DPH6: variants seen among roughly 807,000 people sequenced by gnomAD.
The protein encoded by DPH6 is diphthamine biosynthesis 6, also known as diphthine--ammonia ligase.
DPH6 carries 33 observed loss-of-function variants against 38.2 expected under a neutral mutation model. The ratio of observed to expected loss-of-function variants is 0.86; its 90% CI spans 0.65 to 1.15. The LOEUF is 1.15. Ranked by LOEUF, DPH6 falls within the 50% of genes most tolerant of loss-of-function variation. DPH6 has a pLI of 0.00. For missense variants in DPH6, 325 were observed against 320.0 expected (o/e 1.02, Z -0.12); for synonymous variants, 108 against 103.0 (o/e 1.05, Z -0.30).
intron 3 of DPH6, among the ~76,000 whole-genome samples, chr15:35,332,575 G>A (rs1370109086): frequency 1.3e-5 from 2 of 152,060 alleles, no homozygotes; most frequent in African/African-American, 2.4e-5. Context: ...AATAGCTCAG[G>A]CCTTGGGGTC....
At position 35,324,313 on chromosome 15, in the gene DPH6, A is replaced by C. The variant is rs541138721; in HGVS notation, n.200+49208T>G. Among the ~76,000 whole-genome samples, 221 of 152,328 alleles carry C rather than the reference A, an allele frequency of 1.5e-3. 1 individual carries two copies. Among genetic ancestry groups the C allele is most frequent in the African/African-American group, 5.2e-3 (215 of 41,582 alleles). On this transcript the variant is annotated intron_variant and non_coding_transcript_variant, in intron 3 of 3. Transcript: ENST00000560386. ...TGCATAAAGTTATAAGGCATCTTTCAAAAGAATTACAAATAGAAATTGCTA... is the reference window on the plus strand; with the variant it reads ...TGCATAAAGTTATAAGGCATCTTTCCAAAGAATTACAAATAGAAATTGCTA...
At chr15:35,389,002 C>A (rs1446963064) in intron 6 of DPH6, among the ~76,000 whole-genome samples, 2 of 152,162 alleles carry the variant, frequency 1.3e-5, no homozygotes, top group Non-Finnish European at 2.9e-5. Context: ...TCCCTCTACA[C>A]ACTGCTTTGA....
chr15:35,376,199 C>T (rs1253979227), intron 7 of DPH6, among the ~76,000 whole-genome samples: 1 of 152,110 alleles, frequency 6.6e-6, no homozygotes, highest in South Asian at 2.1e-4. Flanking sequence ...TGTCCCTGTT[C>T]TACCCCACCC....
the DPH6 span, among the ~76,000 whole-genome samples, chr15:35,151,420 A>T: frequency 6.6e-6 from 1 of 152,188 alleles, no homozygotes; most frequent in African/African-American, 2.4e-5. Flanking sequence ...AGTAGCAGGC[A>T]TCTGGATTTG....
intron 3 of DPH6, among the ~76,000 whole-genome samples, chr15:35,502,179 C>T (rs1369811209): frequency 2.0e-5 from 3 of 151,934 alleles, no homozygotes; most frequent in Admixed American, 6.6e-5. Flanking sequence ...ATTATTACAT[C>T]GGCACCCAGA....
Position 35,242,958 on chromosome 15 carries a change from T to G in DPH6, n.201-22376A>C, listed in dbSNP as rs1390351329. 1.4e-5 allele frequency among the ~76,000 whole-genome samples: 2 copies of G among 142,308 alleles called. 1 individual carries two copies. The highest frequency in any genetic ancestry group is 3.1e-5 in the Non-Finnish European group (2 of 65,264). The allele number at this position is 142,308 out of a possible 152,430, so 93.4% of individuals were successfully genotyped here. ...TTTCCAAGCCGTCACAGCTGATATCTCCTCGTGCTATCCTCAAACTGCCAC... is the reference window on the plus strand; with the variant it reads ...TTTCCAAGCCGTCACAGCTGATATCGCCTCGTGCTATCCTCAAACTGCCAC... On this transcript the variant is annotated intron_variant and non_coding_transcript_variant, in intron 3 of 3. Transcript: ENST00000560386.
At chr15:35,217,386 CTT>C (rs2051416455) in exon 4 of DPH6, 1 of 152,146 alleles carries the variant, frequency 6.6e-6, no homozygotes, top group Non-Finnish European at 1.5e-5. Flanking sequence ...GAGTTTTGCT[CTT>C]GTTGCCCAGG....
At position 35,533,591 on chromosome 15, in the gene DPH6, A is replaced by G. The variant is rs533458856; in HGVS notation, c.312+4683T>C. Reference sequence around the variant, plus strand: ...ACTTTGATTATAAAATTTGGGTCCTATATCTAGTTATCTTGAATCTAGTTA... The same window carrying G: ...ACTTTGATTATAAAATTTGGGTCCTGTATCTAGTTATCTTGAATCTAGTTA... On this transcript the variant is annotated intron_variant, in intron 3 of 8. Coordinates refer to ENST00000256538, the MANE Select transcript of DPH6 (RefSeq NM_080650.4). Among the ~76,000 whole-genome samples, 3 of 152,018 alleles carry G rather than the reference A, an allele frequency of 2.0e-5. No homozygotes were observed. The East Asian group carries it at 5.8e-4, about 29-fold the overall frequency.
intron 3 of DPH6, among the ~76,000 whole-genome samples, chr15:35,516,139 T>C (rs2054843986): frequency 6.6e-6 from 1 of 152,100 alleles, no homozygotes; most frequent in African/African-American, 2.4e-5. Context: ...CATTAAGTAC[T>C]AAAAAGAAAC....
intron 5 of DPH6, among the ~76,000 whole-genome samples, chr15:35,444,614 T>C (rs773795365): frequency 4.6e-5 from 7 of 152,304 alleles, no homozygotes; most frequent in South Asian, 2.1e-4. Flanking sequence ...ACAACTTCCA[T>C]AGCAATTGGA....
chr15:35,148,371 G>A, the DPH6 span, among the ~76,000 whole-genome samples: 7 of 152,090 alleles, frequency 4.6e-5, no homozygotes, highest in Non-Finnish European at 8.8e-5. Flanking sequence ...TAACATTAAT[G>A]TCTTTTGTAG....
rs781353792 is a variant in DPH6 at position 35,489,937 on chromosome 15, A to G, written c.313-35117T>C. 100 of 977,716 alleles carry G rather than the reference A, an allele frequency of 1.0e-4. 2 individuals are homozygous for G. The South Asian group carries it at 4.1e-3, about 40-fold the overall frequency. The allele number at this position is 977,716 out of a possible 1,614,324, so 60.6% of individuals were successfully genotyped here. A position where few individuals can be genotyped will look rare whatever the true frequency, so the allele number is the denominator to read the frequency against. ...TGATTACTTTTTAAAAGTATCAAAAAGAAACTATTTTTAACAAACAGCTAA... is the reference window on the plus strand; with the variant it reads ...TGATTACTTTTTAAAAGTATCAAAAGGAAACTATTTTTAACAAACAGCTAA... On this transcript the variant is annotated intron_variant, in intron 3 of 8. Coordinates refer to ENST00000256538, the MANE Select transcript of DPH6 (RefSeq NM_080650.4).
At chr15:35,338,875 C>T (rs2140874528) in intron 3 of DPH6, among the ~76,000 whole-genome samples, 1 of 152,246 alleles carries the variant, frequency 6.6e-6, no homozygotes, top group East Asian at 1.9e-4. Flanking sequence ...AGTTCATGTC[C>T]TTTGTAGGGA....
intron 3 of DPH6, among the ~76,000 whole-genome samples, chr15:35,339,102 C>T (rs1380794399): frequency 1.3e-5 from 2 of 151,844 alleles, no homozygotes; most frequent in Non-Finnish European, 2.9e-5. Flanking sequence ...TTAATGGGTG[C>T]AGCACAGCAA....
chr15:35,542,994 A>C (rs1291695872), intron 1 of DPH6, among the ~76,000 whole-genome samples: 1 of 114,986 alleles, frequency 8.7e-6, no homozygotes, highest in Non-Finnish European at 1.9e-5. Flanking sequence ...TTATTGGGAA[A>C]AAAAAAACTA....
chr15:35,293,425 A>C (rs1446634042), intron 3 of DPH6, among the ~76,000 whole-genome samples: 1 of 152,196 alleles, frequency 6.6e-6, no homozygotes, highest in Non-Finnish European at 1.5e-5. Context: ...AAAACACATA[A>C]TTAATCCTAA....
intron 2 of DPH6, among the ~76,000 whole-genome samples, chr15:35,542,077 G>T (rs573636609): frequency 1.3e-5 from 2 of 152,170 alleles, no homozygotes; most frequent in African/African-American, 4.8e-5. Context: ...TACAGTACTT[G>T]GGAATGTGGT....
chr15:35,399,541 C>T (rs2053190106), intron 6 of DPH6, among the ~76,000 whole-genome samples: 1 of 152,148 alleles, frequency 6.6e-6, no homozygotes. Flanking sequence ...TATTCCTGTT[C>T]CAGCACAGTG....
intron 3 of DPH6, among the ~76,000 whole-genome samples, chr15:35,494,891 T>C (rs1340135779): frequency 1.3e-5 from 2 of 152,046 alleles, no homozygotes; most frequent in Admixed American, 1.3e-4. Context: ...TACTTATTGG[T>C]AAAATATTAC....
Sources: gnomAD v4.1 joint callset for allele counts (sites outside exome capture counted in the v4.1 genomes callset) on GRCh38, gnomAD v4.1.1 for gene constraint, MANE v1.5 for transcripts, NCBI Gene and HGNC (gene_info 2026-07-23, HGNC 2026-07-21) for gene names.